Variants in PTGER3 observed in about 807,000 individuals in gnomAD.
PTGER3 encodes prostaglandin E2 receptor EP3 subtype.
Under a neutral mutation model 34.7 loss-of-function variants are expected in PTGER3, and 22 were observed. The observed-to-expected ratio is 0.63, with a 90% CI of 0.45 to 0.91. The LOEUF (loss-of-function observed/expected upper bound fraction) is 0.91, where lower values mean the gene tolerates loss of function less well. Among genes scored for constraint, PTGER3 ranks in the 40% least tolerant of loss-of-function variants. The pLI, the probability that PTGER3 is intolerant of heterozygous loss-of-function variation, is 0.00. For missense variants in PTGER3, 468 were observed against 519.4 expected (o/e 0.90, Z 0.96); for synonymous variants, 241 against 230.1 (o/e 1.05, Z -0.43).
chr1:70,855,270 T>C (rs934521380), intron 4 of PTGER3, among the ~76,000 whole-genome samples: 6 of 152,150 alleles, frequency 3.9e-5, no homozygotes, highest in Non-Finnish European at 8.8e-5. Context: ...GCATCTAAAT[T>C]GGTCCAACTC....
At chr1:70,983,832 T>G (rs1654634694) in intron 2 of PTGER3, among the ~76,000 whole-genome samples, 1 of 152,132 alleles carries the variant, frequency 6.6e-6, no homozygotes, top group African/African-American at 2.4e-5. Flanking sequence ...TTCATTGAAT[T>G]TGGTCAGTTT....
intron 4 of PTGER3, among the ~76,000 whole-genome samples, chr1:70,911,041 C>A (rs1647049852): frequency 6.6e-6 from 1 of 150,878 alleles, no homozygotes. Flanking sequence ...GATTGCGCCA[C>A]TGCACTCCAG....
At chr1:70,997,330 A>T (rs1656084651) in intron 2 of PTGER3, 1 of 152,198 alleles carries the variant, frequency 6.6e-6, no homozygotes, top group African/African-American at 2.4e-5. Context: ...CTTGGTTATG[A>T]AACTTAAAAA....
At chr1:70,982,503 G>A (rs1420838722) in intron 2 of PTGER3, among the ~76,000 whole-genome samples, 1 of 152,072 alleles carries the variant, frequency 6.6e-6, no homozygotes, top group Non-Finnish European at 1.5e-5. Context: ...CCACACAATT[G>A]TTTCTAAAGA....
At chr1:71,000,644 C>T (rs1656387289) in intron 2 of PTGER3, among the ~76,000 whole-genome samples, 1 of 151,936 alleles carries the variant, frequency 6.6e-6, no homozygotes, top group African/African-American at 2.4e-5. Flanking sequence ...CAGAGAAAAC[C>T]AGAAAAATGT....
intron 2 of PTGER3, among the ~76,000 whole-genome samples, chr1:70,991,957 CAATAAT>C (rs891874286): frequency 2.0e-5 from 3 of 152,096 alleles, no homozygotes; most frequent in African/African-American, 7.2e-5. Context: ...ACCCTTTAAA[CAATAAT>C]AATAGGCTAT....
intron 4 of PTGER3, among the ~76,000 whole-genome samples, chr1:70,874,989 T>G (rs1396782018): frequency 6.6e-6 from 1 of 152,226 alleles, no homozygotes; most frequent in East Asian, 1.9e-4. Flanking sequence ...ATTGCATTCC[T>G]CTGCGCATTC....
At chr1:70,980,082 AAAG>A (rs148853965) in intron 2 of PTGER3, among the ~76,000 whole-genome samples, 3,014 of 152,236 alleles carry the variant, frequency 0.02, 100 homozygotes, top group African/African-American at 0.068. Context: ...CAGAGCATGA[AAAG>A]AAGAACTGGA....
At chr1:71,015,780 C>T (rs890297217) in intron 1 of PTGER3, among the ~76,000 whole-genome samples, 13 of 152,140 alleles carry the variant, frequency 8.5e-5, no homozygotes, top group Admixed American at 2.6e-4. Flanking sequence ...AAATAATACA[C>T]GAAAATTCTT....
At chr1:70,994,700 C>T (rs1272685299) in intron 2 of PTGER3, among the ~76,000 whole-genome samples, 3 of 152,258 alleles carry the variant, frequency 2.0e-5, no homozygotes, top group Non-Finnish European at 4.4e-5. Context: ...TTGCGATCCA[C>T]CCCCCTCAGC....
intron 4 of PTGER3, among the ~76,000 whole-genome samples, chr1:70,880,036 G>T (rs1033883696): frequency 6.6e-6 from 1 of 151,910 alleles, no homozygotes; most frequent in African/African-American, 2.4e-5. Context: ...AAGTTGAAGT[G>T]AGCCAAGATT....
chr1:70,863,722 A>G (rs939816837), intron 4 of PTGER3, among the ~76,000 whole-genome samples: 4 of 152,046 alleles, frequency 2.6e-5, no homozygotes, highest in African/African-American at 9.7e-5. Flanking sequence ...AAGCATGGAT[A>G]GGAACAGAGA....
chr1:70,922,381 C>T (rs774686587), intron 4 of PTGER3, among the ~76,000 whole-genome samples: 9 of 151,976 alleles, frequency 5.9e-5, no homozygotes, highest in Non-Finnish European at 1.2e-4. Context: ...TTTATGAAAA[C>T]GAATTTATGC....
chr1:71,011,917 C>T, intron 2 of PTGER3: 2 of 1,175,644 alleles, frequency 1.7e-6, no homozygotes, highest in Non-Finnish European at 2.1e-6. Flanking sequence ...TATCCCCGCT[C>T]CCCAATAGAC....
At chr1:70,946,605 ATTAG>A (rs1286650129) in intron 4 of PTGER3, among the ~76,000 whole-genome samples, 8 of 152,168 alleles carry the variant, frequency 5.3e-5, no homozygotes, top group Non-Finnish European at 1.0e-4. Context: ...AGAGTCTGGA[ATTAG>A]TTAGTCCGTT....
At chr1:70,868,760 AATC>A (rs1646099382) in intron 4 of PTGER3, among the ~76,000 whole-genome samples, 1 of 152,234 alleles carries the variant, frequency 6.6e-6, no homozygotes, top group African/African-American at 2.4e-5. Context: ...CATGAGTTCC[AATC>A]ATCATCAGAA....
At chr1:70,900,318 A>T (rs953340867) in intron 4 of PTGER3, among the ~76,000 whole-genome samples, 1 of 152,068 alleles carries the variant, frequency 6.6e-6, no homozygotes, top group Non-Finnish European at 1.5e-5. Flanking sequence ...GTTGGGGGGA[A>T]GGGGTGTTCT....
chr1:70,909,704 C>G (rs1389197691), intron 4 of PTGER3, among the ~76,000 whole-genome samples: 2 of 152,156 alleles, frequency 1.3e-5, no homozygotes, highest in Non-Finnish European at 2.9e-5. Context: ...AAGTGAAATA[C>G]CCAGGCCTGT....
In PTGER3 at chr1:71,021,298, T is replaced by C. The variant is rs182972501; in HGVS notation, c.898-8814A>G. On this transcript the variant is annotated intron_variant, in intron 1 of 3. Coordinates refer to ENST00000306666, the MANE Select transcript of PTGER3 (RefSeq NM_198719.2). ...ACATAAAAATTTCCCTTTCAAGTAG[T>C]ATAAATTGTAAATTCTGTATGACTT... Among the ~76,000 whole-genome samples, 1,099 of 152,288 alleles carry C rather than the reference T, an allele frequency of 7.2e-3. 14 individuals are homozygous for C. The highest frequency in any genetic ancestry group is 8.6e-3 in the Non-Finnish European group (582 of 67,998).
Sources: gnomAD v4.1 joint callset for allele counts (sites outside exome capture counted in the v4.1 genomes callset) on GRCh38, gnomAD v4.1.1 for gene constraint, MANE v1.5 for transcripts, NCBI Gene and HGNC (gene_info 2026-07-23, HGNC 2026-07-21) for gene names.